Variants in STXBP5L observed in about 807,000 individuals in gnomAD.
STXBP5L encodes the protein syntaxin-binding protein 5-like.
A neutral mutation model predicts 144.5 loss-of-function variants in STXBP5L; 65 were observed. The observed-to-expected ratio is 0.45, with a 90% CI of 0.37 to 0.55. The LOEUF (loss-of-function observed/expected upper bound fraction) is 0.55, where lower values mean the gene tolerates loss of function less well. Among genes scored for constraint, STXBP5L ranks in the 20% least tolerant of loss-of-function variants. STXBP5L has a pLI of 0.00. For missense variants in STXBP5L, 1,298 were observed against 1,405.5 expected, an observed-to-expected ratio of 0.92 and a Z score of 1.22; for synonymous variants, 505 against 469.6, an observed-to-expected ratio of 1.08 and a Z score of -0.97.
At position 121,344,768 on chromosome 3, in the gene STXBP5L, G is replaced by A. The variant is rs1397488500; in HGVS notation, c.2176+26228G>A. ...GAGCAAAGAGAAGTAGAAGGAAGAG[G>A]AATTATACTAATTTCACCTTTCATA... On this transcript the variant is annotated intron_variant, in intron 20 of 26. Transcript: ENST00000471454. 2.0e-5 allele frequency among the ~76,000 whole-genome samples: 3 copies of A among 151,724 alleles called. No individual in the cohort carries two copies. In the East Asian group the frequency reaches 5.8e-4, roughly 29 times the overall value.
intron 3 of STXBP5L, among the ~76,000 whole-genome samples, chr3:120,990,663 A>T (rs1020938142): frequency 6.6e-6 from 1 of 152,218 alleles, no homozygotes; most frequent in African/African-American, 2.4e-5. Flanking sequence ...CAGAGCCCTC[A>T]GAAATAATGC....
intron 5 of STXBP5L, among the ~76,000 whole-genome samples, chr3:121,093,135 G>T (rs1040126053): frequency 2.6e-5 from 4 of 152,324 alleles, no homozygotes; most frequent in African/African-American, 7.2e-5. Flanking sequence ...TTTGATCATG[G>T]TGGAGAAGCT....
At chr3:120,940,044 T>A (rs956511068) in intron 2 of STXBP5L, among the ~76,000 whole-genome samples, 8 of 152,258 alleles carry the variant, frequency 5.3e-5, no homozygotes, top group Middle Eastern at 3.4e-3. Context: ...TCATTTTTTT[T>A]AAAAGTGGTT....
intron 7 of STXBP5L, among the ~76,000 whole-genome samples, chr3:121,129,757 C>A (rs1321657220): frequency 6.6e-6 from 1 of 151,994 alleles, no homozygotes; most frequent in African/African-American, 2.4e-5. Flanking sequence ...TACCAATTCA[C>A]TTTTTTGCCT....
chr3:121,314,440 C>T (rs1449886502), intron 19 of STXBP5L, among the ~76,000 whole-genome samples: 18 of 139,002 alleles, frequency 1.3e-4, no homozygotes, highest in South Asian at 5.0e-4. Flanking sequence ...AAAAAAAAAA[C>T]GAAAACCAGT....
intron 9 of STXBP5L, among the ~76,000 whole-genome samples, chr3:121,181,096 G>T (rs1228462463): frequency 3.1e-5 from 4 of 128,094 alleles, no homozygotes; most frequent in Admixed American, 3.1e-4. Context: ...GTGAAACTCT[G>T]TCTTGAAAAG....
chr3:121,224,978 A>C (rs1480623472), intron 11 of STXBP5L, among the ~76,000 whole-genome samples: 2 of 152,164 alleles, frequency 1.3e-5, no homozygotes, highest in East Asian at 3.9e-4. Flanking sequence ...ATTTCTAATA[A>C]GGTTCAATGA....
chr3:121,014,301 T>C (rs1352629737), intron 3 of STXBP5L, among the ~76,000 whole-genome samples: 1 of 152,096 alleles, frequency 6.6e-6, no homozygotes, highest in Non-Finnish European at 1.5e-5. Context: ...TTGTGTCATC[T>C]ACAATATCTA....
At chr3:121,009,340 T>G (rs1944595192) in intron 3 of STXBP5L, among the ~76,000 whole-genome samples, 1 of 152,036 alleles carries the variant, frequency 6.6e-6, no homozygotes, top group African/African-American at 2.4e-5. Context: ...CAATTTATTT[T>G]CTAGACTCCT....
intron 9 of STXBP5L, among the ~76,000 whole-genome samples, chr3:121,161,240 C>CTT (rs202218213): frequency 0.012 from 1,670 of 138,948 alleles, 22 homozygotes; most frequent in African/African-American, 0.033. Context: ...TTTGCTTTTG[C>CTT]TTTTTTTTTT....
intron 2 of STXBP5L, among the ~76,000 whole-genome samples, chr3:120,913,105 C>T (rs886786411): frequency 2.6e-5 from 4 of 151,940 alleles, no homozygotes; most frequent in African/African-American, 9.7e-5. Flanking sequence ...CTATGTTTTT[C>T]TGTAGCATCT....
At chr3:121,257,902 G>A (rs995278619) in intron 17 of STXBP5L, among the ~76,000 whole-genome samples, 7 of 152,070 alleles carry the variant, frequency 4.6e-5, no homozygotes, top group East Asian at 3.9e-4. Context: ...TCCAGCCTGG[G>A]TGACAGTAAG....
At chr3:121,305,305 A>G (rs1199981327) in intron 19 of STXBP5L, among the ~76,000 whole-genome samples, 1 of 152,188 alleles carries the variant, frequency 6.6e-6, no homozygotes, top group Non-Finnish European at 1.5e-5. Flanking sequence ...AATCTTTCCA[A>G]CTGTTTGTCT....
At chr3:121,227,708 GAGAATTTCCAATTGACA>G (rs1438394904) in intron 11 of STXBP5L, among the ~76,000 whole-genome samples, 1 of 152,138 alleles carries the variant, frequency 6.6e-6, no homozygotes, top group East Asian at 1.9e-4. Context: ...AAGATATGAT[GAGAATTTCCAATTGACA>G]AGGCAATTTA....
At chr3:121,093,516 G>T (rs528802750) in intron 5 of STXBP5L, among the ~76,000 whole-genome samples, 1 of 152,088 alleles carries the variant, frequency 6.6e-6, no homozygotes, top group Admixed American at 6.6e-5. Context: ...TATATGTGTC[G>T]AGGAATTTAT....
At chr3:121,013,991 G>T (rs1027490876) in intron 3 of STXBP5L, among the ~76,000 whole-genome samples, 21 of 151,918 alleles carry the variant, frequency 1.4e-4, no homozygotes, top group African/African-American at 5.1e-4. Flanking sequence ...TGTTCCATTG[G>T]TCTGTATGTC....
chr3:121,085,471 G>A (rs899934448), intron 5 of STXBP5L, among the ~76,000 whole-genome samples: 1 of 152,180 alleles, frequency 6.6e-6, no homozygotes, highest in African/African-American at 2.4e-5. Flanking sequence ...CTTCAGCAAA[G>A]TCTCAGGAGA....
chr3:121,018,644 G>T (rs1163996692), intron 3 of STXBP5L, among the ~76,000 whole-genome samples: 1 of 151,350 alleles, frequency 6.6e-6, no homozygotes, highest in Non-Finnish European at 1.5e-5. Flanking sequence ...GAAGATAACA[G>T]AAGAAAACCT....
intron 3 of STXBP5L, among the ~76,000 whole-genome samples, chr3:120,990,792 A>G (rs1576591260): frequency 6.6e-6 from 1 of 152,344 alleles, no homozygotes; most frequent in South Asian, 2.1e-4. Context: ...GAAAGCTGAA[A>G]CTGGATCCCT....
Sources: allele counts gnomAD v4.1 joint callset (sites outside exome capture counted in the v4.1 genomes callset), GRCh38; gene constraint gnomAD v4.1.1; transcripts MANE v1.5; gene names NCBI Gene and HGNC (gene_info 2026-07-23, HGNC 2026-07-21).